Variants in ATAD3A observed in about 807,000 individuals in gnomAD.
ATAD3A encodes the protein ATPase family AAA domain-containing protein 3A.
A neutral mutation model predicts 73.8 loss-of-function variants in ATAD3A; 46 were observed. That is an observed-to-expected ratio of 0.62 (90% CI 0.49 to 0.80). The LOEUF is 0.80. ATAD3A is among the 30% of genes least tolerant of loss of function. ATAD3A has a pLI of 0.00. For missense variants in ATAD3A, 705 were observed against 838.0 expected, an observed-to-expected ratio of 0.84 and a Z score of 1.96; for synonymous variants, 319 against 350.0, an observed-to-expected ratio of 0.91 and a Z score of 0.99.
At chr1:1,524,054 G>T in intron 10 of ATAD3A, 90 bp downstream of exon 10, 1 of 1,605,136 alleles carries the variant, frequency 6.2e-7, no homozygotes, top group Non-Finnish European at 8.5e-7. Flanking sequence ...CCTGGGGAAT[G>T]GACCCCCCTT....
At chr1:1,515,634 C>A (rs1388028437) in intron 1 of ATAD3A, among the ~76,000 whole-genome samples, 1 of 152,152 alleles carries the variant, frequency 6.6e-6, no homozygotes, top group Non-Finnish European at 1.5e-5. Flanking sequence ...TGCTTGATAG[C>A]AGATCAATGA....
chr1:1,532,831 C>T (rs545904931), intron 15 of ATAD3A, among the ~76,000 whole-genome samples: 296 of 151,274 alleles, frequency 2.0e-3, no homozygotes, highest in Non-Finnish European at 3.4e-3. Context: ...CCTGCGCTCC[C>T]AGGCCCCTGA....
intron 1 of ATAD3A, among the ~76,000 whole-genome samples, chr1:1,513,099 C>T (rs1020822714): frequency 6.6e-6 from 1 of 152,230 alleles, no homozygotes; most frequent in Non-Finnish European, 1.5e-5. Context: ...ATTCGCCCAC[C>T]TCGGCCTCCC....
At position 1,516,173 on chromosome 1, in the gene ATAD3A, G is replaced by A. The variant is rs1443094585; in HGVS notation, c.282+85G>A. On this transcript the variant is annotated intron_variant, in intron 2 of 15. Transcript: ENST00000378756. The stretch of plus-strand genomic sequence containing the variant: ...TTGGTAGGGCTACTGCCGGTGGGTA[G>A]GGCCGGGGGTGTGTACATGGGCAGC... The A allele has an allele frequency of 3.8e-6, 6 of 1,591,200 alleles. No individual in the cohort carries two copies. In the Admixed American group the frequency reaches 8.8e-5, roughly 23 times the overall value.
At chr1:1,531,540 G>A (rs1480734937) in intron 15 of ATAD3A, among the ~76,000 whole-genome samples, 5 of 151,962 alleles carry the variant, frequency 3.3e-5, no homozygotes, top group East Asian at 1.9e-4. Flanking sequence ...TTGGGAGGCC[G>A]AGATGGGCGG....
chr1:1,521,708 GTTTGT>G (rs1641607270), intron 7 of ATAD3A, among the ~76,000 whole-genome samples: 1 of 152,208 alleles, frequency 6.6e-6, no homozygotes, highest in African/African-American at 2.4e-5. Flanking sequence ...ACTTTTGTTT[GTTTGT>G]TTTTAGAGAC....
At chr1:1,531,842 C>T (rs2100686879) in intron 15 of ATAD3A, among the ~76,000 whole-genome samples, 1 of 151,350 alleles carries the variant, frequency 6.6e-6, no homozygotes, top group East Asian at 2.0e-4. Context: ...CACCTGTAAC[C>T]ACAGCACTTT....
At position 1,523,320 on chromosome 1, in the gene ATAD3A, G is replaced by A. The variant is rs141541787; in HGVS notation, c.907-191G>A. 4.3e-3 allele frequency among the ~76,000 whole-genome samples: 649 copies of A among 152,282 alleles called. 6 individuals carry two copies. Among genetic ancestry groups the A allele is most frequent in the African/African-American group, 0.015 (618 of 41,566 alleles). On this transcript the variant is annotated intron_variant, in intron 8 of 15. Transcript: ENST00000378756. This position sits in a 1 kb window ranked among gnomAD's most constrained non-coding sequence, Gnocchi z 5.1. Reference sequence around the variant, plus strand: ...AGAAAATAAAAGCCAATAAGGAACCGGAAAATGCCCCTAATCCCAGCAATA... The same window carrying A: ...AGAAAATAAAAGCCAATAAGGAACCAGAAAATGCCCCTAATCCCAGCAATA...
At chr1:1,514,620 C>T (rs756710234) in intron 1 of ATAD3A, among the ~76,000 whole-genome samples, 22 of 152,198 alleles carry the variant, frequency 1.4e-4, no homozygotes, top group Non-Finnish European at 2.6e-4. Flanking sequence ...AACACCAAAG[C>T]GTCGCTGCCT....
In ATAD3A at chr1:1,523,580, G is replaced by T; in HGVS notation, c.963+13G>T. The stretch of plus-strand genomic sequence containing the variant: ...TGTTGTGCTCAGTGTAAGTCGGTGT[G>T]CCTGGGACCGGGGAGGCGCAGGGAG... On this transcript the variant is annotated intron_variant, in intron 9 of 15. Coordinates refer to ENST00000378756, the MANE Select transcript of ATAD3A (RefSeq NM_001170535.3). This position sits in a 1 kb window ranked among gnomAD's most constrained non-coding sequence, Gnocchi z 5.1. The T allele has an allele frequency of 4.3e-6, 7 of 1,612,772 alleles. 1 individual carries two copies. Among genetic ancestry groups the T allele is most frequent in the East Asian group, 4.5e-5 (2 of 44,872 alleles).
chr1:1,531,990 C>T (rs182964474), intron 15 of ATAD3A, among the ~76,000 whole-genome samples: 4 of 152,154 alleles, frequency 2.6e-5, no homozygotes, highest in South Asian at 2.1e-4. Context: ...TGAATTTGGT[C>T]GAATGCTTTT....
Position 1,512,168 on chromosome 1 carries a change from G to C in ATAD3A, c.-101G>C, listed in dbSNP as rs944435980. ...GTGTGTGTGGCGCCTGCGCAGTGGC[G>C]GTGACCACCGGCTCGCGGCGCGTGG... is the stretch of plus-strand genomic sequence containing the variant. On this transcript the variant is annotated 5_prime_UTR_variant, in exon 1 of 16. Coordinates refer to ENST00000378756, the MANE Select transcript of ATAD3A (RefSeq NM_001170535.3). 3.3e-6 allele frequency: 4 copies of C among 1,216,016 alleles called. No homozygotes were observed. The highest frequency in any genetic ancestry group is 4.1e-6 in the Non-Finnish European group (4 of 973,974). The allele number at this position is 1,216,016 out of a possible 1,614,324, so 75.3% of individuals were successfully genotyped here.
At chr1:1,529,024 C>T (rs570937848) in intron 14 of ATAD3A, among the ~76,000 whole-genome samples, 199 bp from the exon 15 acceptor site, 2 of 152,358 alleles carry the variant, frequency 1.3e-5, no homozygotes, top group South Asian at 4.1e-4. Flanking sequence ...GGGCCATCTC[C>T]AGGCCCTGCA....
chr1:1,520,384 G>A lies in ATAD3A; in HGVS notation c.680+78G>A. ...GTCGCTGGTCCCAGGGCGCTCTCCA[G>A]CTCTTCCAGGCCTTGCCGCCGTAGG... On this transcript the variant is annotated intron_variant, in intron 6 of 15. Coordinates refer to ENST00000378756, the MANE Select transcript of ATAD3A (RefSeq NM_001170535.3). This position sits in a 1 kb window ranked among gnomAD's most constrained non-coding sequence, Gnocchi z 4.0. 6.3e-7 allele frequency: 1 copy of A among 1,593,552 alleles called. No individual in the cohort carries two copies. Among genetic ancestry groups the A allele is most frequent in the Non-Finnish European group, 8.6e-7 (1 of 1,166,822 alleles).
rs1313196352 is a variant in ATAD3A at position 1,516,049 on chromosome 1, G to A, written c.243G>A (p.Gln81=). Residue 81 remains glutamine, a synonymous_variant, in exon 2 of 16, where the codon CAG becomes CAA. Coordinates refer to ENST00000378756, the MANE Select transcript of ATAD3A (RefSeq NM_001170535.3). Reference sequence around the variant, plus strand: ...ACGCCCTGAATCTGGCACAGATGCAGGAGCAGACGCTGCAGTTGGAGCAAC... The same window carrying A: ...ACGCCCTGAATCTGGCACAGATGCAAGAGCAGACGCTGCAGTTGGAGCAAC... ...AKDALNLAQM[Q]EQTLQLEQQS... is the part of the protein sequence containing the mutation. 2 of 1,613,890 alleles carry A rather than the reference G, an allele frequency of 1.2e-6. No homozygotes were observed. The highest frequency in any genetic ancestry group is 8.5e-7 in the Non-Finnish European group (1 of 1,179,958).
Position 1,516,011 on chromosome 1 carries a change from G to T in ATAD3A, c.206-1G>T. On this transcript the variant is annotated splice_acceptor_variant, in intron 1 of 15. Transcript: ENST00000378756. LOFTEE classifies it high-confidence loss of function. Reference sequence around the variant, plus strand: ...TGCCCTCCGTGTCCTTGCGTCTGCAGGTTATGCCAAGGACGCCCTGAATCT... The same window carrying T: ...TGCCCTCCGTGTCCTTGCGTCTGCATGTTATGCCAAGGACGCCCTGAATCT... 6.2e-7 allele frequency: 1 copy of T among 1,614,064 alleles called. No individual in the cohort carries two copies. Among genetic ancestry groups the T allele is most frequent in the South Asian group, 1.1e-5 (1 of 91,082 alleles).
chr1:1,530,068 A>C (rs1641984507), intron 15 of ATAD3A, among the ~76,000 whole-genome samples: 1 of 152,170 alleles, frequency 6.6e-6, no homozygotes, highest in Non-Finnish European at 1.5e-5. Context: ...GAAGCAGCCG[A>C]GTACCTTGAT....
At position 1,516,082 on chromosome 1, in the gene ATAD3A, G is replaced by T; in HGVS notation, c.276G>T (p.Lys92Asn). Residue 92 changes from lysine (K) to asparagine (N), a missense_variant, in exon 2 of 16, where the codon AAG becomes AAT. Physicochemically the swap from Lys to Asn is moderately conservative, Grantham distance 94 (BLOSUM62 0). Transcript: ENST00000378756. Reference protein sequence around the residue: ...EQTLQLEQQSKLKEYEAAVEQ... With the variant: ...EQTLQLEQQSNLKEYEAAVEQ... ...CGCTGCAGTTGGAGCAACAGTCCAAGCTCAAAGTGAGTGGGGCCGGTGTGG... is the reference window on the plus strand; with the variant it reads ...CGCTGCAGTTGGAGCAACAGTCCAATCTCAAAGTGAGTGGGGCCGGTGTGG... The T allele has an allele frequency of 6.2e-7, 1 of 1,613,532 alleles. No individual in the cohort carries two copies. Among genetic ancestry groups the T allele is most frequent in the South Asian group, 1.1e-5 (1 of 91,058 alleles).
chr1:1,514,475 A>G (rs1427572385), intron 1 of ATAD3A, among the ~76,000 whole-genome samples: 3 of 152,284 alleles, frequency 2.0e-5, no homozygotes, highest in Admixed American at 2.0e-4. Context: ...CTTCCCTGAG[A>G]GGCAGGTCCC....
Sources: gnomAD v4.1 joint callset for allele counts (sites outside exome capture counted in the v4.1 genomes callset) on GRCh38, gnomAD v4.1.1 for gene constraint, Gnocchi (gnomAD v3.1) non-coding constraint, MANE v1.5 for transcripts, NCBI Gene and HGNC (gene_info 2026-07-23, HGNC 2026-07-21) for gene names.